Variants in ALOX5 observed in about 807,000 individuals in gnomAD.
ALOX5 encodes arachidonate 5-lipoxygenase.
A neutral mutation model predicts 87.9 loss-of-function variants in ALOX5; 64 were observed. The ratio of observed to expected loss-of-function variants is 0.73; its 90% confidence interval spans 0.60 to 0.90. The LOEUF (loss-of-function observed/expected upper bound fraction) is 0.90, where lower values mean the gene tolerates loss of function less well. Ranked by LOEUF, ALOX5 falls within the 40% of genes least tolerant of loss-of-function variation. The probability of loss-of-function intolerance (pLI) is 0.00; values close to 1 mark genes in which losing one functional copy is unlikely to be tolerated. For synonymous variants in ALOX5, 388 were observed against 355.1 expected, an observed-to-expected ratio of 1.09 and a Z score of -1.04; for missense variants, 822 against 907.5, an observed-to-expected ratio of 0.91 and a Z score of 1.21.
chr10:45,437,181 C>G (rs552060766), intron 7 of ALOX5, among the ~76,000 whole-genome samples: 1 of 152,098 alleles, frequency 6.6e-6, no homozygotes, highest in Non-Finnish European at 1.5e-5. Context: ...GGTGAAACCC[C>G]GTCTCAATTA....
At position 45,412,174 on chromosome 10, in the gene ALOX5, T is replaced by G. The variant is rs778896824; in HGVS notation, c.432-17T>G. 1 of 1,613,888 alleles carries G rather than the reference T, an allele frequency of 6.2e-7. No homozygotes were observed. Among genetic ancestry groups the G allele is most frequent in the African/African-American group, 1.3e-5 (1 of 74,908 alleles). The stretch of plus-strand genomic sequence containing the variant: ...GGCTGGCATTTAACTCAATTTCTTC[T>G]CCTTTCTCATGCTCAGATGGATGGA... On this transcript the variant is annotated splice_polypyrimidine_tract_variant and intron_variant, in intron 3 of 13. Transcript: ENST00000374391.
At chr10:45,439,670 C>T (rs1819719937) in intron 7 of ALOX5, among the ~76,000 whole-genome samples, 1 of 152,190 alleles carries the variant, frequency 6.6e-6, no homozygotes, top group South Asian at 2.1e-4. Flanking sequence ...GCATCAGCAA[C>T]CAGGTCACCA....
At chr10:45,427,919 G>A (rs941556241) in intron 6 of ALOX5, among the ~76,000 whole-genome samples, 1 of 152,018 alleles carries the variant, frequency 6.6e-6, no homozygotes, top group East Asian at 1.9e-4. Flanking sequence ...CCAATGACCC[G>A]CCGTGTCGCC....
chr10:45,395,641 G>T (rs1226331414), intron 2 of ALOX5, among the ~76,000 whole-genome samples: 1 of 151,936 alleles, frequency 6.6e-6, no homozygotes, highest in Admixed American at 6.6e-5. Flanking sequence ...AATTAGGTGT[G>T]TGACCTTGGG....
intron 2 of ALOX5, among the ~76,000 whole-genome samples, chr10:45,386,439 C>T (rs960024625): frequency 2.0e-5 from 3 of 151,832 alleles, no homozygotes; most frequent in African/African-American, 7.3e-5. Flanking sequence ...GCACTCTAGC[C>T]TGGGAGACAG....
At chr10:45,440,335 A>G in intron 7 of ALOX5, 95 bp from the exon 8 acceptor site, 1 of 1,332,444 alleles carries the variant, frequency 7.5e-7, no homozygotes, top group Non-Finnish European at 1.1e-6. Context: ...AAAGAAATTC[A>G]GATACTTCTG....
In ALOX5 at chr10:45,443,137, C is replaced by T. The variant is rs1228958487; in HGVS notation, c.1372C>T (p.Arg458Trp). 6.2e-7 allele frequency: 1 copy of T among 1,613,870 alleles called. No homozygotes were observed. The highest frequency in any genetic ancestry group is 1.3e-5 in the African/African-American group (1 of 75,064). ...SLCFPEAIKA[R>W]GMESKEDIPY... ...GTGCTTTCCCGAGGCCATCAAGGCC[C>T]GGGGCATGGAGAGCAAAGAAGACAT... The change falls in exon 10 of 14, where the codon CGG becomes TGG. Residue 458 changes from arginine to tryptophan, a missense_variant. Arg to Trp is a moderately radical substitution (Grantham distance 101, BLOSUM62 -3). Coordinates refer to ENST00000374391, the MANE Select transcript of ALOX5 (RefSeq NM_000698.5).
intron 3 of ALOX5, among the ~76,000 whole-genome samples, chr10:45,409,188 A>G (rs567581358): frequency 1.3e-5 from 2 of 152,220 alleles, no homozygotes; most frequent in South Asian, 4.2e-4. Flanking sequence ...TCTGTACCTC[A>G]CTTCCATTTT....
At chr10:45,444,360 G>A in intron 13 of ALOX5, 74 bp downstream of exon 13, 2 of 1,466,456 alleles carry the variant, frequency 1.4e-6, no homozygotes, top group Non-Finnish European at 1.8e-6. Flanking sequence ...AGGGCTTTGT[G>A]ACTCGGGCCC....
chr10:45,443,485 G>A lies in ALOX5; in HGVS notation c.1521G>A (p.Gln507=), dbSNP rs774874256. The part of the protein sequence containing the change: ...DQVVEEDPEL[Q]DFVNDVYVYG... ...TGGTGGAGGAGGACCCGGAGCTGCA[G>A]GACTTCGTGAACGATGTCTACGTGT... is the stretch of plus-strand genomic sequence containing the variant. Residue 507 remains glutamine (Q), a synonymous_variant, in exon 11 of 14, where the codon CAG becomes CAA. Transcript: ENST00000374391. 5.0e-6 allele frequency: 8 copies of A among 1,613,274 alleles called. No homozygotes were observed. The highest frequency in any genetic ancestry group is 5.9e-6 in the Non-Finnish European group (7 of 1,179,616).
At chr10:45,382,783 G>A in intron 2 of ALOX5, 102 bp downstream of exon 2, 1 of 1,383,804 alleles carries the variant, frequency 7.2e-7, no homozygotes, top group Non-Finnish European at 9.9e-7. Flanking sequence ...CTGCTGTGCA[G>A]GGGCGGGAAG....
chr10:45,425,139 G>T lies in ALOX5; in HGVS notation c.834+7G>T, dbSNP rs1841660382. 1.2e-6 allele frequency: 2 copies of T among 1,611,968 alleles called. No homozygotes were observed. Among genetic ancestry groups the T allele is most frequent in the Non-Finnish European group, 1.7e-6 (2 of 1,178,882 alleles). ...CTTGGAGCAGGAGGTCCAGGTAGGGGTTGATGGGCTGGGGAAGTGGCCAAG... is the reference window on the plus strand; with the variant it reads ...CTTGGAGCAGGAGGTCCAGGTAGGGTTTGATGGGCTGGGGAAGTGGCCAAG... On this transcript the variant is annotated splice_region_variant and intron_variant, in intron 6 of 13. Transcript: ENST00000374391. The surrounding 1 kb of genome is among the most constrained non-coding windows in gnomAD (Gnocchi z 4.4).
chr10:45,443,314 G>T, intron 10 of ALOX5, 98 bp downstream of exon 10: 1 of 1,580,984 alleles, frequency 6.3e-7, no homozygotes, highest in Non-Finnish European at 8.6e-7. Flanking sequence ...CGCTGAATGG[G>T]GACGGGGTGG....
rs900561523 is a variant in ALOX5, at chr10:45,440,970, G to T, written c.1185+337G>T. ...CCGTCCCTGTTCTCGAATCCTACAA[G>T]CATTGGCTGCTGGGGTGACTGCATG... is the stretch of plus-strand genomic sequence containing the variant. On this transcript the variant is annotated intron_variant, in intron 8 of 13. Coordinates refer to ENST00000374391, the MANE Select transcript of ALOX5 (RefSeq NM_000698.5). Among the ~76,000 whole-genome samples the T allele has an allele frequency of 2.0e-5, 3 of 152,320 alleles. No homozygotes were observed. In the East Asian group the frequency reaches 5.8e-4, roughly 29 times the overall value.
chr10:45,443,522 G>T lies in ALOX5; in HGVS notation c.1558G>T (p.Gly520Cys), dbSNP rs750043873. 1.2e-5 allele frequency: 19 copies of T among 1,612,558 alleles called. No individual in the cohort carries two copies. The highest frequency in any genetic ancestry group is 1.6e-5 in the Non-Finnish European group (19 of 1,179,312). ...VNDVYVYGMR[G>C]RKSSGFPKSV... ...CGATGTCTACGTGTACGGCATGCGG[G>T]GCCGCAAGTCCTCAGGTAGGGCCTC... The change falls in exon 11 of 14, where the codon GGC (glycine) becomes TGC (cysteine). Residue 520 changes from glycine (G) to cysteine (C), a missense_variant. By Grantham distance (159) the Gly-to-Cys change is radical. Transcript: ENST00000374391.
intron 3 of ALOX5, among the ~76,000 whole-genome samples, chr10:45,400,949 T>C (rs1840677872): frequency 6.6e-6 from 1 of 152,240 alleles, no homozygotes; most frequent in Non-Finnish European, 1.5e-5. Flanking sequence ...AATTTAATGG[T>C]ATGTAAATGT....
rs1352121935 is a variant in ALOX5, at chr10:45,440,611, C to T, written c.1163C>T (p.Pro388Leu). The part of the protein sequence containing the change: ...VFGIAMYRQL[P>L]AVHPIFKLLV... ...GGCATTGCAATGTACCGCCAGCTGCCTGCTGTGCACCCCATTTTCAAGGTA... is the reference window on the plus strand; with the variant it reads ...GGCATTGCAATGTACCGCCAGCTGCTTGCTGTGCACCCCATTTTCAAGGTA... Residue 388 changes from proline (P) to leucine (L), a missense_variant, in exon 8 of 14, where the codon CCT becomes CTT. Transcript: ENST00000374391. 6.2e-7 allele frequency: 1 copy of T among 1,614,180 alleles called. No individual in the cohort carries two copies. The highest frequency in any genetic ancestry group is 1.1e-5 in the South Asian group (1 of 91,082).
chr10:45,419,628 C>T (rs1369008286), intron 4 of ALOX5, among the ~76,000 whole-genome samples: 2 of 152,256 alleles, frequency 1.3e-5, no homozygotes, highest in African/African-American at 4.8e-5. Flanking sequence ...GCCTGTAATC[C>T]CAGTGTTCGG....
At chr10:45,391,144 C>A (rs1011032378) in intron 2 of ALOX5, among the ~76,000 whole-genome samples, 6 of 149,694 alleles carry the variant, frequency 4.0e-5, no homozygotes, top group African/African-American at 1.5e-4. Context: ...TGATGCCGAG[C>A]CAAAGCTGGA....
Sources: allele counts gnomAD v4.1 joint callset (sites outside exome capture counted in the v4.1 genomes callset), GRCh38; gene constraint gnomAD v4.1.1; non-coding constraint Gnocchi (gnomAD v3.1); transcripts MANE v1.5; gene names NCBI Gene and HGNC (gene_info 2026-07-23, HGNC 2026-07-21).